Variants in FAM151B observed in about 807,000 individuals in gnomAD.
FAM151B encodes the protein family with sequence similarity 151 member B.
In FAM151B, 24 loss-of-function variants were observed where a neutral mutation model predicts 31.2. The ratio of observed to expected loss-of-function variants is 0.77; its 90% confidence interval spans 0.56 to 1.08. FAM151B has a LOEUF of 1.08. FAM151B is among the 50% of genes least tolerant of loss of function. The probability of loss-of-function intolerance (pLI) is 0.00; values close to 1 mark genes in which losing one functional copy is unlikely to be tolerated. For missense variants in FAM151B, 293 were observed against 328.6 expected (o/e 0.89, Z 0.84); for synonymous variants, 105 against 111.4 (o/e 0.94, Z 0.36).
chr5:80,534,290 CA>C, intron 5 of FAM151B, among the ~76,000 whole-genome samples: 1 of 151,802 alleles, frequency 6.6e-6, no homozygotes, highest in East Asian at 1.9e-4. Flanking sequence ...CAAAAACAGA[CA>C]AAGACACATT....
chr5:80,522,230 GT>G, intron 5 of FAM151B, 92 bp downstream of exon 5: 2 of 1,329,702 alleles, frequency 1.5e-6, no homozygotes, highest in Non-Finnish European at 2.1e-6. Flanking sequence ...GACAGTGTGT[GT>G]GAGAGAAAGG....
At chr5:80,527,191 G>T (rs1003637720) in intron 5 of FAM151B, among the ~76,000 whole-genome samples, 1 of 152,140 alleles carries the variant, frequency 6.6e-6, no homozygotes, top group Non-Finnish European at 1.5e-5. Context: ...GAGAGGCCAA[G>T]GTGGGTGGAT....
intron 4 of FAM151B, among the ~76,000 whole-genome samples, chr5:80,521,475 G>A (rs1744718640): frequency 6.6e-6 from 1 of 151,972 alleles, no homozygotes; most frequent in Non-Finnish European, 1.5e-5. Context: ...TACATATATA[G>A]TCAATTTTAC....
intron 1 of FAM151B, among the ~76,000 whole-genome samples, chr5:80,494,183 A>C (rs1419533961): frequency 6.6e-6 from 1 of 152,234 alleles, no homozygotes; most frequent in Non-Finnish European, 1.5e-5. Context: ...CCAAAGCCTA[A>C]TCCAGAGTAA....
At chr5:80,513,565 G>A in intron 2 of FAM151B, 39 bp from the exon 3 acceptor site, 1 of 1,586,818 alleles carries the variant, frequency 6.3e-7, no homozygotes, top group Non-Finnish European at 8.6e-7. Context: ...TCTGTGCCCT[G>A]TTTTCTTAGC....
chr5:80,541,802 AC>A lies in FAM151B; in HGVS notation c.802del (p.Gln268LysfsTer32). ...ILEPQNHEFK[Q>X]AIGIKVNL ...TGGAACCACAAAACCATGAATTTAA[AC>A]AAGCCATTGGAATCAAAGTTAATCT... On this transcript the variant is annotated frameshift_variant, in exon 6 of 6. Coordinates refer to ENST00000282226, the MANE Select transcript of FAM151B (RefSeq NM_205548.3). LOFTEE classifies it high-confidence loss of function. The A allele has an allele frequency of 6.2e-7, 1 of 1,613,460 alleles. No homozygotes were observed. The highest frequency in any genetic ancestry group is 8.5e-7 in the Non-Finnish European group (1 of 1,179,724).
intron 1 of FAM151B, chr5:80,501,107 A>G (rs1307253819): frequency 2.6e-6 from 1 of 378,910 alleles, no homozygotes; most frequent in Non-Finnish European, 4.9e-6. Context: ...TCTGCCTCCC[A>G]TGTTCAAGCG....
At chr5:80,516,434 A>G (rs747279834) in intron 3 of FAM151B, among the ~76,000 whole-genome samples, 1 of 152,252 alleles carries the variant, frequency 6.6e-6, no homozygotes, top group Non-Finnish European at 1.5e-5. Context: ...ATAGTTTGTT[A>G]CAATTTTAAG....
At position 80,527,411 on chromosome 5, in the gene FAM151B, A is replaced by G. The variant is rs1745019891; in HGVS notation, c.671+5273A>G. 2.7e-5 allele frequency among the ~76,000 whole-genome samples: 4 copies of G among 148,196 alleles called. No individual in the cohort carries two copies. The South Asian group carries it at 8.7e-4, about 32-fold the overall frequency. On this transcript the variant is annotated intron_variant, in intron 5 of 5. Coordinates refer to ENST00000282226, the MANE Select transcript of FAM151B (RefSeq NM_205548.3). ...GCACTTCAGCCTGGGTGGCAGAGCA[A>G]GACTCTGTCTCAATTAAAAAAAAAA...
intron 1 of FAM151B, among the ~76,000 whole-genome samples, chr5:80,497,684 G>T (rs78583778): frequency 6.6e-6 from 1 of 150,860 alleles, no homozygotes; most frequent in African/African-American, 2.4e-5. Flanking sequence ...TAGAGTCCTG[G>T]TATTTTATTA....
chr5:80,539,382 C>T (rs1272235490), intron 5 of FAM151B, among the ~76,000 whole-genome samples: 1 of 151,786 alleles, frequency 6.6e-6, no homozygotes, highest in Non-Finnish European at 1.5e-5. Flanking sequence ...TTTTTTTAAC[C>T]TCAATTCCCG....
intron 1 of FAM151B, chr5:80,498,880 G>T: frequency 2.9e-6 from 1 of 343,700 alleles, no homozygotes; most frequent in South Asian, 3.1e-5. Flanking sequence ...TGCTGATCAG[G>T]AGGAATTCCT....
chr5:80,500,579 C>A, intron 1 of FAM151B: 1 of 755,662 alleles, frequency 1.3e-6, no homozygotes, highest in Non-Finnish European at 2.4e-6. Flanking sequence ...CTTCTGTGTA[C>A]CTGCAGAACC....
chr5:80,504,118 C>T (rs1024161796), intron 2 of FAM151B, among the ~76,000 whole-genome samples: 5 of 152,062 alleles, frequency 3.3e-5, no homozygotes, highest in South Asian at 4.1e-4. Context: ...TTACGTTATC[C>T]GAAATGAGAT....
chr5:80,500,334 TGGA>T, intron 1 of FAM151B: 1 of 871,278 alleles, frequency 1.1e-6, no homozygotes. Flanking sequence ...GCTGGAACCA[TGGA>T]GGGTGTAGAA....
rs1425069846 is a variant in FAM151B at position 80,508,298 on chromosome 5, A to G, written c.152-5306A>G. Among the ~76,000 whole-genome samples, 12 of 152,168 alleles carry G rather than the reference A, an allele frequency of 7.9e-5. No individual in the cohort carries two copies. The East Asian group carries it at 2.3e-3, about 29-fold the overall frequency. ...CTCTTGCTTATATGTCTAGGAGTAG[A>G]ATTCCTGGGTCACATGGTAACTATA... is the stretch of plus-strand genomic sequence containing the variant. On this transcript the variant is annotated intron_variant, in intron 2 of 5. Transcript: ENST00000282226.
At chr5:80,503,575 AAAAG>A (rs979070349) in intron 2 of FAM151B, among the ~76,000 whole-genome samples, 2 of 152,170 alleles carry the variant, frequency 1.3e-5, no homozygotes, top group African/African-American at 2.4e-5. Context: ...GTCTCAAAAA[AAAAG>A]AAAGAAAGCA....
intron 2 of FAM151B, among the ~76,000 whole-genome samples, chr5:80,507,572 T>C (rs1016882012): frequency 1.1e-4 from 17 of 152,096 alleles, no homozygotes; most frequent in Admixed American, 1.1e-3. Context: ...TCCCAGCTAC[T>C]TGGGAGGCTC....
chr5:80,505,621 C>T (rs1201758761), intron 2 of FAM151B, among the ~76,000 whole-genome samples: 1 of 151,812 alleles, frequency 6.6e-6, no homozygotes, highest in Non-Finnish European at 1.5e-5. Flanking sequence ...GTCTCGATCT[C>T]CTGACCTCGT....
Sources: allele counts gnomAD v4.1 joint callset (sites outside exome capture counted in the v4.1 genomes callset), GRCh38; gene constraint gnomAD v4.1.1; transcripts MANE v1.5; gene names NCBI Gene and HGNC (gene_info 2026-07-23, HGNC 2026-07-21).